PAPPA2: variants seen among roughly 807,000 people sequenced by gnomAD.
The protein encoded by PAPPA2 is pappalysin 2.
In PAPPA2, 86 loss-of-function variants were observed where a neutral mutation model predicts 176.4. The observed-to-expected ratio is 0.49, with a 90% CI of 0.41 to 0.58. The LOEUF is 0.58. Ranked by LOEUF, PAPPA2 falls within the 20% of genes least tolerant of loss-of-function variation. The pLI is 0.00. For missense variants in PAPPA2, 2,073 were observed against 2,256.9 expected, an observed-to-expected ratio of 0.92 and a Z score of 1.65; for synonymous variants, 809 against 852.2, an observed-to-expected ratio of 0.95 and a Z score of 0.88.
chr1:176,582,300 C>T (rs1161098133), intron 2 of PAPPA2, among the ~76,000 whole-genome samples: 1 of 152,068 alleles, frequency 6.6e-6, no homozygotes, highest in Admixed American at 6.5e-5. Flanking sequence ...ATTTGGATGC[C>T]TTTTGTTTTC....
chr1:176,595,653 A>G, intron 3 of PAPPA2, 58 bp downstream of exon 3: 10 of 1,510,314 alleles, frequency 6.6e-6, no homozygotes, highest in Middle Eastern at 2.4e-4. Context: ...ACATCATTTT[A>G]TCTGTTTGGT....
At chr1:176,809,503 T>G (rs1044232878) in intron 21 of PAPPA2, among the ~76,000 whole-genome samples, 7 of 152,202 alleles carry the variant, frequency 4.6e-5, no homozygotes, top group Non-Finnish European at 1.0e-4. Context: ...CTCCCTTTTA[T>G]TATTTATATT....
intron 2 of PAPPA2, among the ~76,000 whole-genome samples, chr1:176,582,626 ATG>A (rs1491564559): frequency 6.6e-6 from 1 of 151,544 alleles, no homozygotes; most frequent in African/African-American, 2.4e-5. Flanking sequence ...ATCATAGTGT[ATG>A]TTTTTTTTTA....
chr1:176,671,543 A>G (rs555816045), intron 4 of PAPPA2, among the ~76,000 whole-genome samples: 69 of 152,262 alleles, frequency 4.5e-4, no homozygotes, highest in African/African-American at 1.7e-3. Flanking sequence ...CAGGAAATTC[A>G]AAAGGTGGGG....
At chr1:176,765,553 G>A in intron 14 of PAPPA2, 113 bp from the exon 15 acceptor site, 1 of 1,005,860 alleles carries the variant, frequency 9.9e-7, no homozygotes. Context: ...ATCAGTTTTG[G>A]AGAAAATTGT....
At chr1:176,838,208 G>A (rs562649085) in intron 21 of PAPPA2, among the ~76,000 whole-genome samples, 25 of 152,210 alleles carry the variant, frequency 1.6e-4, no homozygotes, top group African/African-American at 5.3e-4. Flanking sequence ...GATTAGAAGC[G>A]ACCCTTGTTG....
chr1:176,819,305 A>G (rs887512022), intron 21 of PAPPA2, among the ~76,000 whole-genome samples: 1 of 152,048 alleles, frequency 6.6e-6, no homozygotes, highest in Non-Finnish European at 1.5e-5. Context: ...AGTCTTTTCT[A>G]TTGACAGTTT....
intron 22 of PAPPA2, among the ~76,000 whole-genome samples, chr1:176,841,581 C>T (rs994551497): frequency 1.3e-5 from 2 of 152,050 alleles, no homozygotes; most frequent in Admixed American, 6.6e-5. Flanking sequence ...TTTATATCAC[C>T]TCTCCCAAAT....
At chr1:176,800,039 T>C (rs749369547) in intron 20 of PAPPA2, 22 bp from the exon 21 acceptor site, 1 of 1,613,596 alleles carries the variant, frequency 6.2e-7, no homozygotes, top group South Asian at 1.1e-5. Flanking sequence ...TTGTTTTCTG[T>C]TTTTCCCGTC....
At chr1:176,839,725 A>G (rs1667411042) in intron 21 of PAPPA2, among the ~76,000 whole-genome samples, 1 of 152,164 alleles carries the variant, frequency 6.6e-6, no homozygotes, top group Non-Finnish European at 1.5e-5. Context: ...GACACTTGCT[A>G]TGTGACCTGG....
intron 4 of PAPPA2, among the ~76,000 whole-genome samples, chr1:176,671,885 G>A (rs2102775506): frequency 7.4e-6 from 1 of 135,760 alleles, no homozygotes; most frequent in Non-Finnish European, 1.5e-5. Flanking sequence ...CACAGGAAGG[G>A]GAACATCACA....
chr1:176,488,899 G>A (rs528948947), intron 1 of PAPPA2, among the ~76,000 whole-genome samples: 1 of 152,246 alleles, frequency 6.6e-6, no homozygotes, highest in East Asian at 1.9e-4. Flanking sequence ...CTAGATTTAG[G>A]TAGAACACTG....
chr1:176,487,124 A>C (rs550839365), intron 1 of PAPPA2, among the ~76,000 whole-genome samples: 3 of 152,294 alleles, frequency 2.0e-5, no homozygotes, highest in Admixed American at 2.0e-4. Flanking sequence ...CTATTTAAAA[A>C]CGTATCTTAT....
intron 1 of PAPPA2, among the ~76,000 whole-genome samples, chr1:176,508,391 A>G (rs1648412789): frequency 6.6e-6 from 1 of 152,318 alleles, no homozygotes; most frequent in South Asian, 2.1e-4. Flanking sequence ...TTAAAGAAAA[A>G]TATGAACACT....
At chr1:176,479,101 C>T (rs1043152613) in intron 1 of PAPPA2, among the ~76,000 whole-genome samples, 3 of 152,162 alleles carry the variant, frequency 2.0e-5, no homozygotes, top group African/African-American at 7.2e-5. Flanking sequence ...TAAGTTAACT[C>T]ATTTAATGAT....
chr1:176,495,304 G>A (rs542790375), intron 1 of PAPPA2, among the ~76,000 whole-genome samples: 1 of 152,066 alleles, frequency 6.6e-6, no homozygotes, highest in South Asian at 2.1e-4. Flanking sequence ...ACTTTGGGAG[G>A]CCGAGGCAGG....
chr1:176,564,727 T>TC (rs1651862178), intron 2 of PAPPA2, among the ~76,000 whole-genome samples: 1 of 151,156 alleles, frequency 6.6e-6, no homozygotes, highest in Admixed American at 6.6e-5. Flanking sequence ...CTTTTCTTTT[T>TC]TTTTTTTTTT....
chr1:176,652,379 C>T (rs916962808), intron 3 of PAPPA2, among the ~76,000 whole-genome samples: 10 of 151,648 alleles, frequency 6.6e-5, no homozygotes, highest in Non-Finnish European at 8.9e-5. Flanking sequence ...TAGGTTGCTG[C>T]CTCCTTTTCA....
chr1:176,738,883 C>T (rs1339324311), intron 12 of PAPPA2, among the ~76,000 whole-genome samples: 9 of 151,580 alleles, frequency 5.9e-5, no homozygotes, highest in Non-Finnish European at 1.2e-4. Flanking sequence ...GAAAACACTT[C>T]CATAGTTCAC....
Sources: gnomAD v4.1 joint callset for allele counts (sites outside exome capture counted in the v4.1 genomes callset) on GRCh38, gnomAD v4.1.1 for gene constraint, MANE v1.5 for transcripts, NCBI Gene and HGNC (gene_info 2026-07-23, HGNC 2026-07-21) for gene names.